The following DERA variants were observed in gnomAD, a reference collection of about 807,000 sequenced individuals.
The protein encoded by DERA is deoxyribose-phosphate aldolase.
DERA carries 15 observed loss-of-function variants against 41.1 expected under a neutral mutation model. The ratio of observed to expected loss-of-function variants is 0.37; its 90% CI spans 0.24 to 0.56. The LOEUF is 0.56. DERA is among the 20% of genes least tolerant of loss of function. DERA has a pLI of 0.81. For synonymous variants in DERA, 139 were observed against 137.4 expected (o/e 1.01, Z -0.08); for missense variants, 396 against 403.4 (o/e 0.98, Z 0.16).
chr12:16,018,046 A>G (rs1219274240), intron 6 of DERA, among the ~76,000 whole-genome samples: 2 of 152,168 alleles, frequency 1.3e-5, no homozygotes, highest in African/African-American at 4.8e-5. Flanking sequence ...TTCCTATAAC[A>G]TAAATAAGAT....
At position 16,000,111 on chromosome 12, in the gene DERA, A is replaced by T. The variant is rs1948864745; in HGVS notation, c.637+17675A>T. On this transcript the variant is annotated intron_variant, in intron 6 of 8. Coordinates refer to ENST00000428559, the MANE Select transcript of DERA (RefSeq NM_015954.4). This position sits in a 1 kb window ranked among gnomAD's most constrained non-coding sequence, Gnocchi z 4.8. ...GTGAGTGATTGCATGCTGAGCAGGG[A>T]AGGGAAGGGCAGATCCAACTCCTAA... 6.6e-6 allele frequency among the ~76,000 whole-genome samples: 1 copy of T among 152,114 alleles called. No individual in the cohort carries two copies.
rs990467368 is a variant in DERA, at chr12:15,995,254, C to G, written c.637+12818C>G. Among the ~76,000 whole-genome samples the G allele has an allele frequency of 6.6e-6, 1 of 152,092 alleles. No individual in the cohort carries two copies. The highest frequency in any genetic ancestry group is 2.4e-5 in the African/African-American group (1 of 41,398). On this transcript the variant is annotated intron_variant, in intron 6 of 8. Coordinates refer to ENST00000428559, the MANE Select transcript of DERA (RefSeq NM_015954.4). This position sits in a 1 kb window ranked among gnomAD's most constrained non-coding sequence, Gnocchi z 5.1. ...ATGGCAAGGTGTTTCTATAGAGAGGCAAGGTGTTTGCAGAAATTTATAGGA... is the reference window on the plus strand; with the variant it reads ...ATGGCAAGGTGTTTCTATAGAGAGGGAAGGTGTTTGCAGAAATTTATAGGA...
chr12:16,014,316 C>G lies in DERA; in HGVS notation c.638-18226C>G, dbSNP rs1009756331. On this transcript the variant is annotated intron_variant, in intron 6 of 8. Transcript: ENST00000428559. This position sits in a 1 kb window ranked among gnomAD's most constrained non-coding sequence, Gnocchi z 5.4. ...GTCTCTCCCATCACAGGCCAGAGGT[C>G]TAGAAGGAAAACATGGTTTTGTGGG... is the stretch of plus-strand genomic sequence containing the variant. Among the ~76,000 whole-genome samples the G allele has an allele frequency of 6.6e-6, 1 of 152,158 alleles. No homozygotes were observed. The highest frequency in any genetic ancestry group is 6.5e-5 in the Admixed American group (1 of 15,274).
chr12:16,028,716 CCCTCTAT>C (rs1201140262), intron 6 of DERA, among the ~76,000 whole-genome samples: 1 of 152,188 alleles, frequency 6.6e-6, no homozygotes, highest in East Asian at 1.9e-4. Flanking sequence ...ATAGCAGTTT[CCCTCTAT>C]GGTCTTACCA....
At chr12:16,018,784 A>C (rs1949000679) in intron 6 of DERA, among the ~76,000 whole-genome samples, 1 of 152,090 alleles carries the variant, frequency 6.6e-6, no homozygotes, top group Admixed American at 6.5e-5. Flanking sequence ...GAAAATAAAA[A>C]ATACAATTTA....
rs896679900 is a variant in DERA, at chr12:15,993,165, G to T, written c.637+10729G>T. Reference sequence around the variant, plus strand: ...AATACAGAAACAATGAGAGGAAGCGGAGAAATAAGAGAATATAGGGGAAGC... The same window carrying T: ...AATACAGAAACAATGAGAGGAAGCGTAGAAATAAGAGAATATAGGGGAAGC... On this transcript the variant is annotated intron_variant, in intron 6 of 8. Transcript: ENST00000428559. The surrounding 1 kb of genome is among the most constrained non-coding windows in gnomAD (Gnocchi z 4.4). Among the ~76,000 whole-genome samples the T allele has an allele frequency of 1.3e-5, 2 of 152,018 alleles. No homozygotes were observed. The highest frequency in any genetic ancestry group is 2.1e-4 in the South Asian group (1 of 4,816).
rs751928637 is a variant in DERA at position 15,992,046 on chromosome 12, G to A, written c.637+9610G>A. Reference sequence around the variant, plus strand: ...CAGTAGCATTTGTAACATAGTATCAGCATCAACTGTTTTACCTGTTAGATT... The same window carrying A: ...CAGTAGCATTTGTAACATAGTATCAACATCAACTGTTTTACCTGTTAGATT... On this transcript the variant is annotated intron_variant, in intron 6 of 8. Coordinates refer to ENST00000428559, the MANE Select transcript of DERA (RefSeq NM_015954.4). The surrounding 1 kb of genome is among the most constrained non-coding windows in gnomAD (Gnocchi z 4.3). Among the ~76,000 whole-genome samples, 6 of 150,786 alleles carry A rather than the reference G, an allele frequency of 4.0e-5. No individual in the cohort carries two copies. The highest frequency in any genetic ancestry group is 9.8e-5 in the African/African-American group (4 of 41,022).
Position 15,992,116 on chromosome 12 carries a change from C to T in DERA, c.637+9680C>T, listed in dbSNP as rs1411970953. ...GTGCTCTTCCCTGGGCTAAGGACCA[C>T]ACCTTCCTTAACTTTATTCCTCTGC... On this transcript the variant is annotated intron_variant, in intron 6 of 8. Coordinates refer to ENST00000428559, the MANE Select transcript of DERA (RefSeq NM_015954.4). The surrounding 1 kb of genome is among the most constrained non-coding windows in gnomAD (Gnocchi z 4.3). Among the ~76,000 whole-genome samples, 1 of 151,440 alleles carries T rather than the reference C, an allele frequency of 6.6e-6. No individual in the cohort carries two copies. Among genetic ancestry groups the T allele is most frequent in the African/African-American group, 2.4e-5 (1 of 41,128 alleles).
rs151326733 is a variant in DERA at position 16,036,544 on chromosome 12, G to C, written c.901-146G>C. 2,285 of 998,758 alleles carry C rather than the reference G, an allele frequency of 2.3e-3. 40 individuals are homozygous for C. In the African/African-American group the frequency reaches 0.034, roughly 15 times the overall value. 61.9% of individuals were successfully genotyped at this position (998,758 alleles called of 1,614,324 possible). A position where few individuals can be genotyped will look rare whatever the true frequency, so the allele number is the denominator to read the frequency against. On this transcript the variant is annotated intron_variant, in intron 8 of 8. Transcript: ENST00000428559. The surrounding 1 kb of genome is among the most constrained non-coding windows in gnomAD (Gnocchi z 4.9). ...GCAAACCGCCATCAGAAGTGAGTAG[G>C]GTGGAGATTCTGCTGAAGCACATAC...
intron 3 of DERA, 106 bp downstream of exon 3, chr12:15,958,441 C>A: frequency 1.2e-6 from 1 of 824,986 alleles, no homozygotes. Context: ...GTGATAGAAT[C>A]CATGATAGAA....
rs1366417294 is a variant in DERA, at chr12:15,943,913, G to A, written c.32-13023G>A. ...CCCACGACAGACCCTGGTGTGTGAT[G>A]TTCCCCTTCCTGTGTCCAAGTGTTC... On this transcript the variant is annotated intron_variant, in intron 1 of 8. Coordinates refer to ENST00000428559, the MANE Select transcript of DERA (RefSeq NM_015954.4). The surrounding 1 kb of genome is among the most constrained non-coding windows in gnomAD (Gnocchi z 4.5). Among the ~76,000 whole-genome samples, 1 of 126,660 alleles carries A rather than the reference G, an allele frequency of 7.9e-6. No individual in the cohort carries two copies. Among genetic ancestry groups the A allele is most frequent in the African/African-American group, 3.1e-5 (1 of 32,060 alleles). The allele number at this position is 126,660 out of a possible 152,430, so 83.1% of individuals were successfully genotyped here. A position where few individuals can be genotyped will look rare whatever the true frequency, so the allele number is the denominator to read the frequency against.
chr12:15,948,894 T>C (rs1203368814), intron 1 of DERA, among the ~76,000 whole-genome samples: 2 of 152,214 alleles, frequency 1.3e-5, no homozygotes, highest in African/African-American at 4.8e-5. Flanking sequence ...ATGTCCTTTC[T>C]GTTTGTTAGT....
intron 4 of DERA, among the ~76,000 whole-genome samples, chr12:15,961,887 G>A (rs1948590707): frequency 6.6e-6 from 1 of 152,162 alleles, no homozygotes; most frequent in Non-Finnish European, 1.5e-5. Context: ...AGGGCTACAG[G>A]TGTGCACCAC....
At chr12:15,979,252 C>T (rs3782538) in intron 5 of DERA, among the ~76,000 whole-genome samples, 94,755 of 152,040 alleles carry the variant, frequency 0.62, 29,888 homozygotes, top group East Asian at 0.82. Flanking sequence ...GCAGAGAACA[C>T]AGTCAGATTG....
At chr12:15,960,982 T>G (rs1948583637) in intron 4 of DERA, among the ~76,000 whole-genome samples, 1 of 152,146 alleles carries the variant, frequency 6.6e-6, no homozygotes, top group South Asian at 2.1e-4. Flanking sequence ...AGGGCAGAAT[T>G]GCAGAGGGGA....
At chr12:15,978,302 A>G (rs907837240) in intron 5 of DERA, among the ~76,000 whole-genome samples, 1 of 152,050 alleles carries the variant, frequency 6.6e-6, no homozygotes, top group African/African-American at 2.4e-5. Context: ...ATTTTTTCTT[A>G]TATGTAAGAC....
At chr12:15,948,279 A>G (rs966500070) in intron 1 of DERA, among the ~76,000 whole-genome samples, 8 of 152,152 alleles carry the variant, frequency 5.3e-5, no homozygotes, top group African/African-American at 1.9e-4. Context: ...GTTCTCCTGG[A>G]TAATATCCTG....
Position 16,036,711 on chromosome 12 carries a change from A to G in DERA, c.922A>G (p.Arg308Gly). ...ACAGATTTACCATCATGTGACTGGA[A>G]GATATGCAGCTTATCATGATCTTCC... ...ERQIYHHVTG[R>G]YAAYHDLPMS The change falls in exon 9 of 9, where the codon AGA becomes GGA. Residue 308 changes from arginine to glycine, a missense_variant. Arg to Gly is a moderately radical substitution (Grantham distance 125). Transcript: ENST00000428559. This position sits in a 1 kb window ranked among gnomAD's most constrained non-coding sequence, Gnocchi z 4.9. The G allele has an allele frequency of 6.2e-7, 1 of 1,603,852 alleles. No individual in the cohort carries two copies.
intron 5 of DERA, among the ~76,000 whole-genome samples, chr12:15,979,350 C>T (rs1377335349): frequency 6.6e-6 from 1 of 152,164 alleles, no homozygotes; most frequent in East Asian, 1.9e-4. Context: ...TGGTGGCTGG[C>T]CCCTGGGACA....
Sources: gnomAD v4.1 joint callset for allele counts (sites outside exome capture counted in the v4.1 genomes callset) on GRCh38, gnomAD v4.1.1 for gene constraint, Gnocchi (gnomAD v3.1) non-coding constraint, MANE v1.5 for transcripts, NCBI Gene and HGNC (gene_info 2026-07-23, HGNC 2026-07-21) for gene names.